Variants in ZNF644 observed in about 807,000 individuals in gnomAD.
ZNF644 encodes the protein zinc finger motif enhancer binding protein 2.
A neutral mutation model predicts 108.0 loss-of-function variants in ZNF644; 20 were observed. The ratio of observed to expected loss-of-function variants is 0.19; its 90% CI spans 0.13 to 0.27. The LOEUF (loss-of-function observed/expected upper bound fraction) is 0.27. Ranked by LOEUF, ZNF644 falls within the 10% of genes least tolerant of loss-of-function variation. ZNF644 has a pLI of 1.00. For missense variants in ZNF644, 1,338 were observed against 1,548.9 expected, an observed-to-expected ratio of 0.86 and a Z score of 2.29; for synonymous variants, 542 against 539.1, an observed-to-expected ratio of 1.01 and a Z score of -0.08.
intron 1 of ZNF644, among the ~76,000 whole-genome samples, chr1:91,018,173 G>A (rs1570598700): frequency 1.3e-5 from 2 of 152,314 alleles, no homozygotes. Context: ...TTCTTAAGGG[G>A]AAGAGGAGAA....
intron 2 of ZNF644, among the ~76,000 whole-genome samples, chr1:90,980,807 G>T (rs1445931187): frequency 6.6e-6 from 1 of 152,074 alleles, no homozygotes; most frequent in Admixed American, 6.6e-5. Context: ...AGGGGAAAAG[G>T]CTATTAGACT....
intron 1 of ZNF644, among the ~76,000 whole-genome samples, chr1:90,995,186 T>A (rs1658034856): frequency 6.6e-6 from 1 of 151,964 alleles, no homozygotes; most frequent in African/African-American, 2.4e-5. Flanking sequence ...TAAAAGAAAT[T>A]ATGTTCAAAC....
At chr1:90,929,556 A>G (rs1206771775) in intron 4 of ZNF644, among the ~76,000 whole-genome samples, 1 of 152,194 alleles carries the variant, frequency 6.6e-6, no homozygotes, top group South Asian at 2.1e-4. Flanking sequence ...ATGCAATACT[A>G]TATTATTTTT....
intron 1 of ZNF644, among the ~76,000 whole-genome samples, chr1:91,008,147 C>G (rs1557659591): frequency 6.6e-6 from 1 of 152,182 alleles, no homozygotes; most frequent in Non-Finnish European, 1.5e-5. Context: ...TTATTTAATT[C>G]TCCCTGTTTT....
At chr1:91,009,669 T>C (rs896103631) in intron 1 of ZNF644, among the ~76,000 whole-genome samples, 3 of 152,282 alleles carry the variant, frequency 2.0e-5, no homozygotes, top group African/African-American at 7.2e-5. Context: ...AGCATACAAG[T>C]ACAAGCTCTT....
At chr1:90,990,484 G>A (rs1446221359) in intron 1 of ZNF644, among the ~76,000 whole-genome samples, 2 of 149,868 alleles carry the variant, frequency 1.3e-5, no homozygotes, top group African/African-American at 4.9e-5. Context: ...AACCCTGAAA[G>A]GGAAACAAGG....
At chr1:90,943,267 C>T (rs1557579121) in intron 2 of ZNF644, among the ~76,000 whole-genome samples, 2 of 151,912 alleles carry the variant, frequency 1.3e-5, no homozygotes, top group Non-Finnish European at 2.9e-5. Flanking sequence ...TGGTGATACC[C>T]CGTCTCTACT....
chr1:90,937,878 G>A lies in ZNF644; in HGVS notation c.3295C>T (p.Arg1099Cys), dbSNP rs762658610. Residue 1099 changes from arginine to cysteine, a missense_variant, in exon 4 of 6, where the codon CGT becomes TGT. Physicochemically the swap from Arg to Cys is radical, Grantham distance 180. Coordinates refer to ENST00000337393, the MANE Select transcript of ZNF644 (RefSeq NM_201269.3). ...ACAAATGGTCTGGGAATAATACGAC[G>A]ACTGTTCAATGCCTTTAAGATTTTT... ...YEKILKALNS[R>C]RIIPRPFVAQ... 11 of 1,613,668 alleles carry A rather than the reference G, an allele frequency of 6.8e-6. No individual in the cohort carries two copies. The highest frequency in any genetic ancestry group is 4.5e-5 in the East Asian group (2 of 44,876).
At chr1:90,982,705 C>A (rs1023250714) in intron 1 of ZNF644, among the ~76,000 whole-genome samples, 11 of 151,984 alleles carry the variant, frequency 7.2e-5, no homozygotes. Flanking sequence ...CTAAAACACA[C>A]ATCTTTCTAG....
intron 5 of ZNF644, 30 bp downstream of exon 5, chr1:90,918,021 AC>A (rs751439013): frequency 1.3e-6 from 2 of 1,555,706 alleles, no homozygotes; most frequent in African/African-American, 2.7e-5. Context: ...GTATGAAGAA[AC>A]TGATCAGATT....
chr1:90,958,142 C>A (rs377231304), intron 2 of ZNF644, among the ~76,000 whole-genome samples: 2 of 149,886 alleles, frequency 1.3e-5, no homozygotes, highest in Admixed American at 1.3e-4. Flanking sequence ...GTAGTGGGCA[C>A]CTGTAATCCC....
chr1:90,990,420 A>C (rs969773842), intron 1 of ZNF644, among the ~76,000 whole-genome samples: 5 of 152,192 alleles, frequency 3.3e-5, no homozygotes, highest in Non-Finnish European at 5.9e-5. Flanking sequence ...GAAATCAGAA[A>C]ACATATGAAA....
chr1:90,990,462 C>T (rs535340368), intron 1 of ZNF644, among the ~76,000 whole-genome samples: 20 of 152,078 alleles, frequency 1.3e-4, no homozygotes, highest in South Asian at 6.2e-4. Flanking sequence ...CATTAGGCAA[C>T]CCCTGATGGT....
At chr1:90,929,891 CA>C (rs772127701) in intron 4 of ZNF644, among the ~76,000 whole-genome samples, 73 of 152,238 alleles carry the variant, frequency 4.8e-4, no homozygotes, top group Admixed American at 1.2e-3. Context: ...TAATATATTG[CA>C]CTAGTGGTAT....
At chr1:90,956,277 C>A (rs1014827143) in intron 2 of ZNF644, among the ~76,000 whole-genome samples, 2 of 152,152 alleles carry the variant, frequency 1.3e-5, no homozygotes, top group African/African-American at 4.8e-5. Flanking sequence ...AAATGTGATA[C>A]GGAGATACGA....
chr1:90,991,263 G>GT (rs1261240852), intron 1 of ZNF644, among the ~76,000 whole-genome samples: 5 of 152,172 alleles, frequency 3.3e-5, no homozygotes, highest in Non-Finnish European at 7.3e-5. Flanking sequence ...GGCTAAATTA[G>GT]TAAGACCAAC....
chr1:90,970,541 T>A (rs1021761004), intron 2 of ZNF644, among the ~76,000 whole-genome samples: 1 of 152,188 alleles, frequency 6.6e-6, no homozygotes, highest in African/African-American at 2.4e-5. Flanking sequence ...AAGACTTTTT[T>A]AAAACTACTA....
chr1:90,971,335 C>G (rs1655452456), intron 2 of ZNF644, among the ~76,000 whole-genome samples: 1 of 151,438 alleles, frequency 6.6e-6, no homozygotes, highest in African/African-American at 2.4e-5. Flanking sequence ...ATTCAATATC[C>G]TTTTGTTAAT....
Position 90,939,172 on chromosome 1 carries a change from C to G in ZNF644, c.2182G>C (p.Glu728Gln), listed in dbSNP as rs773736700. 6.2e-7 allele frequency: 1 copy of G among 1,613,788 alleles called. No homozygotes were observed. Among genetic ancestry groups the G allele is most frequent in the South Asian group, 1.1e-5 (1 of 91,080 alleles). The change falls in exon 3 of 6, where the codon GAA becomes CAA. Residue 728 changes from glutamate to glutamine, a missense_variant. Physicochemically the swap from Glu to Gln is conservative, Grantham distance 29 (BLOSUM62 2). Coordinates refer to ENST00000337393, the MANE Select transcript of ZNF644 (RefSeq NM_201269.3). Reference protein sequence around the residue: ...KPKYFHQAAKEKSNAKANSHY... With the variant: ...KPKYFHQAAKQKSNAKANSHY... Reference sequence around the variant, plus strand: ...CTATTTGCCTTGGCATTAGACTTTTCTTTTGCTGCTTGATGGAAATACTTA... The same window carrying G: ...CTATTTGCCTTGGCATTAGACTTTTGTTTTGCTGCTTGATGGAAATACTTA...
Sources: allele counts gnomAD v4.1 joint callset (sites outside exome capture counted in the v4.1 genomes callset), GRCh38; gene constraint gnomAD v4.1.1; transcripts MANE v1.5; gene names NCBI Gene and HGNC (gene_info 2026-07-23, HGNC 2026-07-21).